Variants in ARID5A observed in about 807,000 individuals in gnomAD.
ARID5A encodes AT-rich interaction domain 5A.
A neutral mutation model predicts 30.5 loss-of-function variants in ARID5A; 14 were observed. The ratio of observed to expected loss-of-function variants is 0.46; its 90% CI spans 0.30 to 0.72. The LOEUF is 0.72. Ranked by LOEUF, ARID5A falls within the 30% of genes least tolerant of loss-of-function variation. ARID5A has a pLI of 0.07. For synonymous variants in ARID5A, 338 were observed against 340.4 expected (o/e 0.99, Z 0.08); for missense variants, 669 against 786.2 (o/e 0.85, Z 1.78).
In ARID5A at chr2:96,550,388, A is replaced by G. The variant is rs2066011785; in HGVS notation, c.410+103A>G. The G allele has an allele frequency of 7.0e-7, 1 of 1,432,408 alleles. No individual in the cohort carries two copies. The highest frequency in any genetic ancestry group is 9.1e-7 in the Non-Finnish European group (1 of 1,097,586). The allele number at this position is 1,432,408 out of a possible 1,614,324, so 88.7% of individuals were successfully genotyped here. A position where few individuals can be genotyped will look rare whatever the true frequency, so the allele number is the denominator to read the frequency against. ...GGACTCTGCCCGGAGCGGGCAGGGTATGCGCCGTCCTCAGAGCTGCGGGAG... is the reference window on the plus strand; with the variant it reads ...GGACTCTGCCCGGAGCGGGCAGGGTGTGCGCCGTCCTCAGAGCTGCGGGAG... On this transcript the variant is annotated intron_variant, in intron 5 of 6. Coordinates refer to ENST00000357485, the MANE Select transcript of ARID5A (RefSeq NM_212481.3). The surrounding 1 kb of genome is among the most constrained non-coding windows in gnomAD (Gnocchi z 6.6).
rs569855886 is a variant in ARID5A at position 96,540,936 on chromosome 2, G to C, written c.4+4106G>C. On this transcript the variant is annotated intron_variant, in intron 1 of 6. Coordinates refer to ENST00000357485, the MANE Select transcript of ARID5A (RefSeq NM_212481.3). ...ATTTTTGTATTTGTAGTGGAGATGGGGTTTCACCATGTTGGCCAGGCTGGT... is the reference window on the plus strand; with the variant it reads ...ATTTTTGTATTTGTAGTGGAGATGGCGTTTCACCATGTTGGCCAGGCTGGT... Among the ~76,000 whole-genome samples the C allele has an allele frequency of 2.6e-5, 4 of 152,158 alleles. No homozygotes were observed. In the East Asian group the frequency reaches 7.7e-4, roughly 29 times the overall value.
chr2:96,551,691 T>G lies in ARID5A; in HGVS notation c.1163T>G (p.Val388Gly), dbSNP rs1443653138. 5 of 1,521,818 alleles carry G rather than the reference T, an allele frequency of 3.3e-6. No individual in the cohort carries two copies. Among genetic ancestry groups the G allele is most frequent in the Non-Finnish European group, 4.4e-6 (5 of 1,137,820 alleles). 94.3% of individuals were successfully genotyped at this position (1,521,818 alleles called of 1,614,324 possible). A position where few individuals can be genotyped will look rare whatever the true frequency, so the allele number is the denominator to read the frequency against. Residue 388 changes from valine to glycine, a missense_variant, in exon 7 of 7, where the codon GTG (valine) becomes GGG (glycine). By Grantham distance (109) the Val-to-Gly change is moderately radical. Around this residue, in one of 4 missense-constraint regions of ARID5A, gnomAD observed 548 missense variants for 577.4 expected, o/e 0.95. Transcript: ENST00000357485. The part of the protein sequence containing the change: ...EGLSVKEPQL[V>G]WGGDANRPSA... ...CTGTCAGTGAAAGAGCCCCAGCTGGTGTGGGGCGGAGACGCTAACCGCCCT... is the reference window on the plus strand; with the variant it reads ...CTGTCAGTGAAAGAGCCCCAGCTGGGGTGGGGCGGAGACGCTAACCGCCCT...
Position 96,551,230 on chromosome 2 carries a change from C to T in ARID5A, c.702C>T (p.Gly234=). Residue 234 remains glycine, a synonymous_variant, in exon 7 of 7, where the codon GGC becomes GGT. Transcript: ENST00000357485. ...GSSVSFVGAS[G]CPEAYKRLLS... ...CTGTGTCCTTTGTGGGTGCCAGCGG[C>T]TGTCCTGAGGCCTACAAGCGGCTCC... 1 of 1,613,980 alleles carries T rather than the reference C, an allele frequency of 6.2e-7. No individual in the cohort carries two copies. Among genetic ancestry groups the T allele is most frequent in the Non-Finnish European group, 8.5e-7 (1 of 1,180,022 alleles).
intron 1 of ARID5A, among the ~76,000 whole-genome samples, chr2:96,543,612 A>C (rs538435493): frequency 6.6e-6 from 1 of 152,254 alleles, no homozygotes; most frequent in Admixed American, 6.5e-5. Flanking sequence ...AACTAAATCG[A>C]TAAATGTTGT....
intron 1 of ARID5A, among the ~76,000 whole-genome samples, chr2:96,546,877 T>C (rs984780510): frequency 6.6e-6 from 1 of 152,212 alleles, no homozygotes; most frequent in East Asian, 1.9e-4. Flanking sequence ...CCAGTGAGAC[T>C]AAGCTGCTTC....
At chr2:96,540,620 G>A (rs985143695) in intron 1 of ARID5A, among the ~76,000 whole-genome samples, 1 of 152,238 alleles carries the variant, frequency 6.6e-6, no homozygotes, top group African/African-American at 2.4e-5. Context: ...GGACTGCAGA[G>A]GGAAACCTGA....
chr2:96,538,163 C>T lies in ARID5A; in HGVS notation c.4+1333C>T, dbSNP rs928492170. ...ATCTGCTTCTACAGTTGAGAGACGT[C>T]AACTGGCACCTCTGAGCCTCTGCCC... On this transcript the variant is annotated intron_variant, in intron 1 of 6. Coordinates refer to ENST00000357485, the MANE Select transcript of ARID5A (RefSeq NM_212481.3). 4.3e-5 allele frequency: 42 copies of T among 985,434 alleles called. No homozygotes were observed. The African/African-American group carries it at 7.0e-4, about 16-fold the overall frequency. 61.0% of individuals were successfully genotyped at this position (985,434 alleles called of 1,614,324 possible).
rs1459664968 is a variant in ARID5A, at chr2:96,537,724, G to T, written c.4+894G>T. The stretch of plus-strand genomic sequence containing the variant: ...GGGAGCTGCGGGCCAACCCGGGCCC[G>T]CGCTCCGTCCCTCCGCGGTGTCTAG... On this transcript the variant is annotated intron_variant, in intron 1 of 6. Coordinates refer to ENST00000357485, the MANE Select transcript of ARID5A (RefSeq NM_212481.3). The surrounding 1 kb of genome is among the most constrained non-coding windows in gnomAD (Gnocchi z 4.8). The T allele has an allele frequency of 2.6e-6, 1 of 378,114 alleles. No homozygotes were observed. The highest frequency in any genetic ancestry group is 3.6e-6 in the Non-Finnish European group (1 of 274,766). 23.4% of individuals were successfully genotyped at this position (378,114 alleles called of 1,614,324 possible). A position where few individuals can be genotyped will look rare whatever the true frequency, so the allele number is the denominator to read the frequency against.
chr2:96,537,998 C>T lies in ARID5A; in HGVS notation c.4+1168C>T. ...ACGGTGGCGTCACTGCGCCTACAGG[C>T]AACGCTAGAGCACAGGAGGGGTGGG... On this transcript the variant is annotated intron_variant, in intron 1 of 6. Transcript: ENST00000357485. The surrounding 1 kb of genome is among the most constrained non-coding windows in gnomAD (Gnocchi z 4.8). 2.0e-6 allele frequency: 2 copies of T among 985,490 alleles called. No individual in the cohort carries two copies. Among genetic ancestry groups the T allele is most frequent in the South Asian group, 9.4e-5 (2 of 21,282 alleles). 61.0% of individuals were successfully genotyped at this position (985,490 alleles called of 1,614,324 possible). A position where few individuals can be genotyped will look rare whatever the true frequency, so the allele number is the denominator to read the frequency against.
chr2:96,544,029 A>T (rs1319979665), intron 1 of ARID5A, among the ~76,000 whole-genome samples: 1 of 152,246 alleles, frequency 6.6e-6, no homozygotes, highest in African/African-American at 2.4e-5. Context: ...CCAACAAGCC[A>T]TAACATTCCC....
chr2:96,551,652 C>T lies in ARID5A; in HGVS notation c.1124C>T (p.Pro375Leu), dbSNP rs375642531. The change falls in exon 7 of 7, where the codon CCT becomes CTT. Residue 375 changes from proline (P) to leucine (L), a missense_variant. By Grantham distance (98) the Pro-to-Leu change is moderately conservative. Coordinates refer to ENST00000357485, the MANE Select transcript of ARID5A (RefSeq NM_212481.3). ...AAAGATGGGGTGCTATTGGGGCCTC[C>T]TGGCAAAGAGGGGCTGTCAGTGAAA... ...RLKDGVLLGPPGKEGLSVKEP... is the reference protein window; with the variant it reads ...RLKDGVLLGPLGKEGLSVKEP... 1.0e-5 allele frequency: 16 copies of T among 1,524,668 alleles called. No homozygotes were observed. In the Admixed American group the frequency reaches 3.6e-4, roughly 34 times the overall value. The allele number at this position is 1,524,668 out of a possible 1,614,324, so 94.4% of individuals were successfully genotyped here. A position where few individuals can be genotyped will look rare whatever the true frequency, so the allele number is the denominator to read the frequency against.
chr2:96,550,305 G>A lies in ARID5A; in HGVS notation c.410+20G>A. 6.3e-6 allele frequency: 9 copies of A among 1,432,514 alleles called. No homozygotes were observed. In the South Asian group the frequency reaches 7.5e-5, roughly 12 times the overall value. The allele number at this position is 1,432,514 out of a possible 1,614,324, so 88.7% of individuals were successfully genotyped here. On this transcript the variant is annotated intron_variant, in intron 5 of 6. Coordinates refer to ENST00000357485, the MANE Select transcript of ARID5A (RefSeq NM_212481.3). The surrounding 1 kb of genome is among the most constrained non-coding windows in gnomAD (Gnocchi z 6.6). ...CGAGAGGTACGGCGGGGCGGGCCCG[G>A]GTGCTGGACGCCGCCTACCCTGCGG... is the stretch of plus-strand genomic sequence containing the variant.
intron 1 of ARID5A, among the ~76,000 whole-genome samples, chr2:96,544,205 CA>C (rs1289110234): frequency 6.6e-6 from 1 of 152,216 alleles, no homozygotes; most frequent in Non-Finnish European, 1.5e-5. Context: ...GCGAATCAAC[CA>C]GGGCTGGTGT....
Position 96,549,473 on chromosome 2 carries a change from G to T in ARID5A, c.259+14G>T. The stretch of plus-strand genomic sequence containing the variant: ...GCTTCAAGCAGAGTGCGTCCCTGGG[G>T]TGCAGGCAGGGAGGGGGGCCCAGCA... On this transcript the variant is annotated intron_variant, in intron 3 of 6. Coordinates refer to ENST00000357485, the MANE Select transcript of ARID5A (RefSeq NM_212481.3). The surrounding 1 kb of genome is among the most constrained non-coding windows in gnomAD (Gnocchi z 6.1). 6.2e-7 allele frequency: 1 copy of T among 1,610,106 alleles called. No individual in the cohort carries two copies.
chr2:96,545,442 C>T (rs990007919), intron 1 of ARID5A, among the ~76,000 whole-genome samples: 5 of 152,018 alleles, frequency 3.3e-5, no homozygotes, highest in Admixed American at 6.5e-5. Context: ...AGGCGTGAGC[C>T]ACCGCGCCCA....
chr2:96,550,601 G>A lies in ARID5A; in HGVS notation c.438G>A (p.Leu146=). ...ERLVLPYVRH[L]KGEDDKPLPT... is the part of the protein sequence containing the mutation. ...TGGTCCTGCCATACGTGCGGCACCT[G>A]AAGGGGGAGGATGACAAGCCGCTGC... is the stretch of plus-strand genomic sequence containing the variant. Residue 146 remains leucine, a synonymous_variant, in exon 6 of 7, where the codon CTG becomes CTA. Coordinates refer to ENST00000357485, the MANE Select transcript of ARID5A (RefSeq NM_212481.3). The surrounding 1 kb of genome is among the most constrained non-coding windows in gnomAD (Gnocchi z 6.6). The A allele has an allele frequency of 6.2e-7, 1 of 1,607,016 alleles. No homozygotes were observed. Among genetic ancestry groups the A allele is most frequent in the South Asian group, 1.1e-5 (1 of 89,708 alleles).
At chr2:96,541,503 C>T (rs543059763) in intron 1 of ARID5A, among the ~76,000 whole-genome samples, 1 of 152,252 alleles carries the variant, frequency 6.6e-6, no homozygotes, top group African/African-American at 2.4e-5. Context: ...CAGAAATAGT[C>T]CCAGATGTGT....
At chr2:96,547,185 C>G (rs1320959540) in intron 1 of ARID5A, among the ~76,000 whole-genome samples, 1 of 151,304 alleles carries the variant, frequency 6.6e-6, no homozygotes, top group African/African-American at 2.4e-5. Context: ...GAGACGGGGT[C>G]TCACTACGTT....
intron 1 of ARID5A, among the ~76,000 whole-genome samples, chr2:96,545,891 T>C (rs554273057): frequency 7.2e-5 from 11 of 151,900 alleles, no homozygotes; most frequent in Admixed American, 4.6e-4. Context: ...GAGGCGAAGA[T>C]TGCAGTGAGC....
Sources: allele counts gnomAD v4.1 joint callset (sites outside exome capture counted in the v4.1 genomes callset), GRCh38; gene constraint gnomAD v4.1.1; regional missense constraint gnomAD v4.1.1; non-coding constraint Gnocchi (gnomAD v3.1); transcripts MANE v1.5; gene names NCBI Gene and HGNC (gene_info 2026-07-23, HGNC 2026-07-21).